Variants in GALNT13 observed in about 807,000 individuals in gnomAD.
The protein encoded by GALNT13 is UDP-GalNAc:polypeptide N-acetylgalactosaminyltransferase 13.
In GALNT13, 28 loss-of-function variants were observed where a neutral mutation model predicts 64.2. The ratio of observed to expected loss-of-function variants is 0.44; its 90% CI spans 0.32 to 0.60. The LOEUF is 0.60. Ranked by LOEUF, GALNT13 falls within the 20% of genes least tolerant of loss-of-function variation. The pLI is 0.05. For missense variants in GALNT13, 577 were observed against 669.8 expected (o/e 0.86, Z 1.53); for synonymous variants, 214 against 224.6 (o/e 0.95, Z 0.42).
chr2:153,283,656 C>T, the GALNT13 span, among the ~76,000 whole-genome samples: 1 of 152,066 alleles, frequency 6.6e-6, no homozygotes, highest in African/African-American at 2.4e-5. Flanking sequence ...GGTTGCTTAA[C>T]CAGGCAAGCA....
At chr2:153,168,352 G>GGAA in the GALNT13 span, among the ~76,000 whole-genome samples, 1 of 152,080 alleles carries the variant, frequency 6.6e-6, no homozygotes, top group East Asian at 1.9e-4. Flanking sequence ...GACCTGGGTT[G>GGAA]GAATTCTTAC....
In GALNT13 at chr2:154,245,967, G is replaced by A. The variant is rs754236942; in HGVS notation, c.842G>A (p.Arg281Lys). 1.3e-5 allele frequency: 21 copies of A among 1,612,272 alleles called. No individual in the cohort carries two copies. The highest frequency in any genetic ancestry group is 1.6e-5 in the Non-Finnish European group (19 of 1,178,662). ...GAAATGGACAGGAGGAAAGGAGACA[G>A]AACATTACCTGTCAGGTATGTAGAT... ...QREMDRRKGD[R>K]TLPVRTPTMA... The change falls in exon 7 of 13, where the codon AGA (arginine) becomes AAA (lysine). Residue 281 changes from arginine (R) to lysine (K), a missense_variant. Arg to Lys is a conservative substitution (Grantham distance 26). Transcript: ENST00000392825.
At chr2:153,478,620 C>T in the GALNT13 span, 2 of 1,406,950 alleles carry the variant, frequency 1.4e-6, no homozygotes, top group Non-Finnish European at 1.9e-6. Flanking sequence ...GGGAAGGCGG[C>T]GGCGCTGGAG....
intron 9 of GALNT13, among the ~76,000 whole-genome samples, chr2:154,364,266 C>T (rs896608555): frequency 9.2e-5 from 14 of 152,146 alleles, no homozygotes. Context: ...AAGTTAATCT[C>T]ACTTTTGGGA....
chr2:153,965,241 A>T (rs937366297), intron 3 of GALNT13, among the ~76,000 whole-genome samples: 1 of 152,168 alleles, frequency 6.6e-6, no homozygotes, highest in African/African-American at 2.4e-5. Flanking sequence ...TTAAATATAC[A>T]ATAAATTATT....
Position 154,450,454 on chromosome 2 carries a change from A to C in GALNT13, c.1574A>C (p.Glu525Ala). 6.2e-7 allele frequency: 1 copy of C among 1,612,762 alleles called. No homozygotes were observed. Among genetic ancestry groups the C allele is most frequent in the African/African-American group, 1.3e-5 (1 of 74,954 alleles). Residue 525 changes from glutamate (E) to alanine (A), a missense_variant, in exon 13 of 13, where the codon GAA (glutamate) becomes GCA (alanine). By Grantham distance (107) the Glu-to-Ala change is moderately radical (BLOSUM62 -1). Transcript: ENST00000392825. ...GTTAACAGTAACCAATGTCTCGATG[A>C]ACCTTCTGAAGAAGACAAAATGGTG... The part of the protein sequence containing the change: ...RHVNSNQCLD[E>A]PSEEDKMVPT...
At chr2:154,303,671 A>G (rs932472324) in intron 9 of GALNT13, among the ~76,000 whole-genome samples, 1 of 152,174 alleles carries the variant, frequency 6.6e-6, no homozygotes, top group Non-Finnish European at 1.5e-5. Context: ...AAATAAACCC[A>G]TCTAATGAGA....
At chr2:153,189,381 T>A in the GALNT13 span, among the ~76,000 whole-genome samples, 1 of 152,216 alleles carries the variant, frequency 6.6e-6, no homozygotes, top group African/African-American at 2.4e-5. Flanking sequence ...GTTTCATCCA[T>A]GTTGCTGCAA....
chr2:153,291,499 AT>A, the GALNT13 span, among the ~76,000 whole-genome samples: 1 of 152,066 alleles, frequency 6.6e-6, no homozygotes. Context: ...TCGTATGTGA[AT>A]TTTTCCCTTT....
the GALNT13 span, among the ~76,000 whole-genome samples, chr2:153,601,715 G>A: frequency 6.6e-6 from 1 of 151,698 alleles, no homozygotes; most frequent in Non-Finnish European, 1.5e-5. Context: ...CAAATGTTAT[G>A]TATATCTAGG....
At chr2:153,467,838 G>A in the GALNT13 span, among the ~76,000 whole-genome samples, 4 of 152,032 alleles carry the variant, frequency 2.6e-5, no homozygotes, top group Non-Finnish European at 4.4e-5. Context: ...GAAGAAAACA[G>A]TGAGAGGAGA....
the GALNT13 span, among the ~76,000 whole-genome samples, chr2:153,096,840 G>A: frequency 2.6e-5 from 4 of 152,048 alleles, no homozygotes; most frequent in Non-Finnish European, 5.9e-5. Context: ...TCTTTTGATT[G>A]TAAAGTTTAG....
At chr2:154,168,546 G>C (rs1425549207) in intron 4 of GALNT13, among the ~76,000 whole-genome samples, 2 of 151,830 alleles carry the variant, frequency 1.3e-5, no homozygotes, top group Non-Finnish European at 2.9e-5. Context: ...TGTAAGGAAA[G>C]AGATTTGGCC....
At chr2:153,920,360 C>CT (rs1248983327) in intron 2 of GALNT13, among the ~76,000 whole-genome samples, 1 of 151,944 alleles carries the variant, frequency 6.6e-6, no homozygotes, top group Non-Finnish European at 1.5e-5. Flanking sequence ...TTCCACAAAG[C>CT]TAACAAAAAC....
At chr2:153,879,001 C>T (rs141386048) in intron 1 of GALNT13, among the ~76,000 whole-genome samples, 218 of 152,284 alleles carry the variant, frequency 1.4e-3, no homozygotes, top group African/African-American at 4.9e-3. Flanking sequence ...TCAGGTCCCA[C>T]TGATACAGAG....
chr2:153,118,899 C>A, the GALNT13 span, among the ~76,000 whole-genome samples: 4 of 152,128 alleles, frequency 2.6e-5, no homozygotes, highest in Non-Finnish European at 5.9e-5. Flanking sequence ...TCATCTTGAA[C>A]TGTAGTTCCC....
At chr2:153,792,328 CA>C in the GALNT13 span, among the ~76,000 whole-genome samples, 1 of 151,938 alleles carries the variant, frequency 6.6e-6, no homozygotes, top group Non-Finnish European at 1.5e-5. Context: ...AACAATATAA[CA>C]ACTATTTATA....
chr2:154,057,295 G>T (rs10182709), intron 3 of GALNT13, among the ~76,000 whole-genome samples: 114,888 of 152,076 alleles, frequency 0.76, 43,767 homozygotes, highest in East Asian at 0.96. Context: ...CCCCAAAGTG[G>T]TGGGCTTATA....
chr2:153,272,147 A>T, the GALNT13 span, among the ~76,000 whole-genome samples: 2 of 152,210 alleles, frequency 1.3e-5, no homozygotes, highest in African/African-American at 4.8e-5. Context: ...AAGACCTAAA[A>T]CCATAAAAAC....
Sources: allele counts gnomAD v4.1 joint callset (sites outside exome capture counted in the v4.1 genomes callset), GRCh38; gene constraint gnomAD v4.1.1; transcripts MANE v1.5; gene names NCBI Gene and HGNC (gene_info 2026-07-23, HGNC 2026-07-21).